Variants in GPHN observed in about 807,000 individuals in gnomAD.
GPHN encodes the protein gephyrin.
GPHN carries 17 observed loss-of-function variants against 95.5 expected under a neutral mutation model. The observed-to-expected ratio is 0.18, with a 90% CI of 0.12 to 0.27. GPHN has a LOEUF of 0.27. GPHN is among the 10% of genes least tolerant of loss of function. The probability of loss-of-function intolerance (pLI) is 1.00; values close to 1 mark genes in which losing one functional copy is unlikely to be tolerated. For synonymous variants in GPHN, 320 were observed against 322.5 expected (o/e 0.99, Z 0.08); for missense variants, 660 against 978.1 (o/e 0.67, Z 4.34).
At chr14:67,126,687 G>C (rs1317828085) in intron 17 of GPHN, among the ~76,000 whole-genome samples, 1 of 152,112 alleles carries the variant, frequency 6.6e-6, no homozygotes, top group Non-Finnish European at 1.5e-5. Flanking sequence ...AGTCAGTGTG[G>C]CAATTCCTCA....
chr14:66,674,714 A>G (rs556553957), intron 1 of GPHN, among the ~76,000 whole-genome samples: 1 of 152,308 alleles, frequency 6.6e-6, no homozygotes, highest in Non-Finnish European at 1.5e-5. Flanking sequence ...TTATCCATTC[A>G]TCTGTTGATG....
At chr14:66,683,703 C>T (rs1010689367) in intron 2 of GPHN, among the ~76,000 whole-genome samples, 2 of 151,018 alleles carry the variant, frequency 1.3e-5, no homozygotes, top group African/African-American at 2.4e-5. Flanking sequence ...TTCGGCCAGG[C>T]ACAGTTTCTC....
At chr14:67,697,751 T>C in the GPHN span, among the ~76,000 whole-genome samples, 3 of 152,142 alleles carry the variant, frequency 2.0e-5, no homozygotes, top group African/African-American at 4.8e-5. Context: ...ACACCAAAGG[T>C]TGAGGCAGAC....
At chr14:66,801,748 C>T (rs1436073292) in intron 3 of GPHN, among the ~76,000 whole-genome samples, 1 of 150,628 alleles carries the variant, frequency 6.6e-6, no homozygotes, top group Non-Finnish European at 1.5e-5. Context: ...AATATTGGGT[C>T]TTGCTCAAGT....
chr14:66,833,143 T>A (rs756291478), intron 4 of GPHN, among the ~76,000 whole-genome samples: 1 of 152,168 alleles, frequency 6.6e-6, no homozygotes, highest in Non-Finnish European at 1.5e-5. Context: ...CTGGGTAATT[T>A]GTAAAAGAAA....
At chr14:66,642,713 A>G (rs2153354861) in intron 1 of GPHN, among the ~76,000 whole-genome samples, 1 of 152,184 alleles carries the variant, frequency 6.6e-6, no homozygotes, top group South Asian at 2.1e-4. Flanking sequence ...ACTTCCAGGA[A>G]CAGGTCTGCA....
chr14:66,939,714 C>T (rs2067309770), intron 8 of GPHN, among the ~76,000 whole-genome samples: 1 of 152,178 alleles, frequency 6.6e-6, no homozygotes. Context: ...CCTCTGAAGA[C>T]ATACATTTAA....
chr14:67,296,319 C>T, the GPHN span, among the ~76,000 whole-genome samples: 6 of 151,882 alleles, frequency 4.0e-5, no homozygotes, highest in Non-Finnish European at 8.8e-5. Flanking sequence ...GGTGTCCAGA[C>T]GCCGGATGCA....
At chr14:67,669,519 A>C in the GPHN span, among the ~76,000 whole-genome samples, 1 of 151,466 alleles carries the variant, frequency 6.6e-6, no homozygotes, top group African/African-American at 2.4e-5. Context: ...CTCCTGCCTC[A>C]GCCTCCCAAA....
At chr14:67,056,375 G>T (rs1056158358) in intron 10 of GPHN, among the ~76,000 whole-genome samples, 3 of 151,334 alleles carry the variant, frequency 2.0e-5, no homozygotes, top group Admixed American at 1.3e-4. Flanking sequence ...TGAGCAAGAC[G>T]CAGAGCACTG....
chr14:67,594,444 C>T, the GPHN span, among the ~76,000 whole-genome samples: 7 of 151,962 alleles, frequency 4.6e-5, no homozygotes, highest in Non-Finnish European at 8.8e-5. Flanking sequence ...GTCAAGAGAT[C>T]GAGACCATCC....
At chr14:66,901,309 G>C (rs1379483154) in intron 5 of GPHN, among the ~76,000 whole-genome samples, 1 of 151,964 alleles carries the variant, frequency 6.6e-6, no homozygotes. Flanking sequence ...AGTTTGAAAT[G>C]TTTTCTTCCA....
chr14:67,640,195 T>C, the GPHN span, among the ~76,000 whole-genome samples: 1 of 152,186 alleles, frequency 6.6e-6, no homozygotes, highest in African/African-American at 2.4e-5. Context: ...CCTGTTGTCA[T>C]ATTTTTCTCC....
rs79650408 is a variant in GPHN at position 66,818,006 on chromosome 14, G to C, written c.202-6468G>C. ...TATTTAATTTACCACAGTAGTATAT[G>C]TGTAATTATTAAGTATAAAATTTAT... is the stretch of plus-strand genomic sequence containing the variant. On this transcript the variant is annotated intron_variant, in intron 3 of 22. Coordinates refer to ENST00000478722, the MANE Select transcript of GPHN (RefSeq NM_020806.5). Among the ~76,000 whole-genome samples, 90 of 152,246 alleles carry C rather than the reference G, an allele frequency of 5.9e-4. 3 individuals carry two copies. The highest frequency in any genetic ancestry group is 2.1e-3 in the African/African-American group (87 of 41,548).
chr14:67,496,951 C>G, the GPHN span, among the ~76,000 whole-genome samples: 32 of 152,030 alleles, frequency 2.1e-4, no homozygotes, highest in Admixed American at 4.6e-4. Context: ...GTGCCCGCCA[C>G]CACACCTGGC....
At chr14:66,888,685 A>T (rs1567063291) in intron 5 of GPHN, among the ~76,000 whole-genome samples, 1 of 152,164 alleles carries the variant, frequency 6.6e-6, no homozygotes, top group African/African-American at 2.4e-5. Context: ...TTAAAAAGCT[A>T]TAAGGCATAT....
intron 6 of GPHN, 117 bp downstream of exon 6, chr14:66,916,186 G>T (rs2065888635): frequency 2.8e-6 from 2 of 720,324 alleles, no homozygotes; most frequent in African/African-American, 3.5e-5. Flanking sequence ...GATACCAATT[G>T]CAGGATTCCC....
chr14:66,586,041 A>T (rs1016065073), intron 1 of GPHN, among the ~76,000 whole-genome samples: 24 of 152,156 alleles, frequency 1.6e-4, no homozygotes, highest in Non-Finnish European at 2.9e-4. Flanking sequence ...TTTGTAGGTC[A>T]CTAAGAACTT....
At chr14:66,732,013 T>C (rs947949199) in intron 2 of GPHN, among the ~76,000 whole-genome samples, 28 of 152,196 alleles carry the variant, frequency 1.8e-4, no homozygotes, top group Admixed American at 7.2e-4. Flanking sequence ...AAGTCAAGAA[T>C]TGAGTTTTAG....
Sources: gnomAD v4.1 joint callset for allele counts (sites outside exome capture counted in the v4.1 genomes callset) on GRCh38, gnomAD v4.1.1 for gene constraint, MANE v1.5 for transcripts, NCBI Gene and HGNC (gene_info 2026-07-23, HGNC 2026-07-21) for gene names.